Variants in MYO5A observed in about 807,000 individuals in gnomAD.
MYO5A encodes unconventional myosin-Va.
In MYO5A, 98 loss-of-function variants were observed where a neutral mutation model predicts 249.7. The ratio of observed to expected loss-of-function variants is 0.39; its 90% CI spans 0.33 to 0.46. The LOEUF (loss-of-function observed/expected upper bound fraction) is 0.46, where lower values mean the gene tolerates loss of function less well. Ranked by LOEUF, MYO5A falls within the 20% of genes least tolerant of loss-of-function variation. The pLI, the probability that MYO5A is intolerant of heterozygous loss-of-function variation, is 0.98. For missense variants in MYO5A, 1,696 were observed against 2,308.8 expected (o/e 0.73, Z 5.44); for synonymous variants, 778 against 810.6 (o/e 0.96, Z 0.68).
chr15:52,375,542 A>C (rs1237602589), intron 19 of MYO5A, 82 bp from the exon 20 acceptor site: 4 of 1,453,414 alleles, frequency 2.8e-6, no homozygotes, highest in Non-Finnish European at 3.8e-6. Flanking sequence ...AAAGAGTGTC[A>C]CTGTTTTAGG....
At chr15:52,495,654 A>G (rs565116889) in intron 1 of MYO5A, among the ~76,000 whole-genome samples, 1 of 152,340 alleles carries the variant, frequency 6.6e-6, no homozygotes, top group East Asian at 1.9e-4. Flanking sequence ...CCACAAATAT[A>G]TACAGTATTT....
At chr15:52,413,051 G>A (rs1034094676) in intron 5 of MYO5A, among the ~76,000 whole-genome samples, 1 of 151,356 alleles carries the variant, frequency 6.6e-6, no homozygotes, top group Admixed American at 6.6e-5. Context: ...GGAGGCTGAG[G>A]CAGGAGAATC....
Position 52,356,337 on chromosome 15 carries a change from G to A in MYO5A, c.3424-2323C>T, listed in dbSNP as rs920100845. On this transcript the variant is annotated intron_variant, in intron 25 of 41. Coordinates refer to ENST00000399233, the MANE Select transcript of MYO5A (RefSeq NM_001382347.1). ...TAGGAAATAAGAAAAGTTCAAAGAA[G>A]AAAAACACAGCCATAATCCTATCGC... Among the ~76,000 whole-genome samples, 31 of 152,078 alleles carry A rather than the reference G, an allele frequency of 2.0e-4. No homozygotes were observed. The South Asian group carries it at 6.2e-3, about 31-fold the overall frequency.
At chr15:52,360,566 C>G (rs773249011) in intron 24 of MYO5A, among the ~76,000 whole-genome samples, 3 of 152,204 alleles carry the variant, frequency 2.0e-5, no homozygotes, top group Non-Finnish European at 2.9e-5. Flanking sequence ...ACAGGCAGCT[C>G]TAACTTCTGT....
rs887671694 is a variant in MYO5A, at chr15:52,387,771, G to A, written c.1752+58C>T. The A allele has an allele frequency of 7.8e-6, 10 of 1,280,852 alleles. No homozygotes were observed. In the African/African-American group the frequency reaches 1.3e-4, roughly 17 times the overall value. The allele number at this position is 1,280,852 out of a possible 1,614,324, so 79.3% of individuals were successfully genotyped here. On this transcript the variant is annotated intron_variant, in intron 14 of 41. Coordinates refer to ENST00000399233, the MANE Select transcript of MYO5A (RefSeq NM_001382347.1). ...TTTTGTTAAAAAAATCATTTTTATT[G>A]TTAAAAAGCTAATGCTTTGCATACA...
At chr15:52,462,456 C>T (rs944607623) in intron 1 of MYO5A, among the ~76,000 whole-genome samples, 1 of 151,940 alleles carries the variant, frequency 6.6e-6, no homozygotes, top group Non-Finnish European at 1.5e-5. Flanking sequence ...GAAAAGAACA[C>T]AGAAGTGGCA....
chr15:52,330,649 C>A, intron 34 of MYO5A, 150 bp from the exon 35 acceptor site: 1 of 952,938 alleles, frequency 1.0e-6, no homozygotes, highest in South Asian at 1.7e-5. Flanking sequence ...TAATTTTTTT[C>A]TGTTAAAATT....
chr15:52,405,454 G>A, intron 8 of MYO5A, 61 bp from the exon 9 acceptor site: 1 of 1,260,434 alleles, frequency 7.9e-7, no homozygotes. Flanking sequence ...AACAATTACA[G>A]CAGACAATTT....
chr15:52,426,058 C>T, intron 3 of MYO5A, 84 bp from the exon 4 acceptor site: 1 of 1,135,258 alleles, frequency 8.8e-7, no homozygotes, highest in South Asian at 1.3e-5. Flanking sequence ...GTGAGACTCA[C>T]AGTTAACACA....
intron 1 of MYO5A, among the ~76,000 whole-genome samples, chr15:52,516,520 A>T (rs2077499119): frequency 6.6e-6 from 1 of 152,224 alleles, no homozygotes; most frequent in Non-Finnish European, 1.5e-5. Context: ...CTAAGGCTCC[A>T]CACAATCAAC....
intron 1 of MYO5A, among the ~76,000 whole-genome samples, chr15:52,478,610 A>G (rs1418876634): frequency 6.6e-6 from 1 of 152,136 alleles, no homozygotes; most frequent in Non-Finnish European, 1.5e-5. Flanking sequence ...TTATCAAACT[A>G]TCCTTTGCTG....
Position 52,446,193 on chromosome 15 carries a change from T to C in MYO5A, c.28-12908A>G, listed in dbSNP as rs536598508. On this transcript the variant is annotated intron_variant, in intron 1 of 41. Coordinates refer to ENST00000399233, the MANE Select transcript of MYO5A (RefSeq NM_001382347.1). ...AGAGGCCTAGGAGGACATTATGGTG[T>C]AGAGGGCCAGGCCTAGGGCCCCACT... 5.3e-5 allele frequency among the ~76,000 whole-genome samples: 8 copies of C among 152,324 alleles called. No individual in the cohort carries two copies. In the South Asian group the frequency reaches 1.7e-3, roughly 32 times the overall value.
At chr15:52,421,753 T>C (rs1363627227) in intron 4 of MYO5A, among the ~76,000 whole-genome samples, 1 of 152,202 alleles carries the variant, frequency 6.6e-6, no homozygotes, top group Non-Finnish European at 1.5e-5. Context: ...CAGAAACCTG[T>C]ACATGTAAAG....
At chr15:52,418,104 T>C (rs549665050) in intron 4 of MYO5A, among the ~76,000 whole-genome samples, 10 of 152,154 alleles carry the variant, frequency 6.6e-5, no homozygotes, top group Admixed American at 1.3e-4. Context: ...GCAAAAGGGA[T>C]AGCATAAATG....
chr15:52,330,605 G>T, intron 34 of MYO5A, 106 bp from the exon 35 acceptor site: 2 of 1,312,734 alleles, frequency 1.5e-6, no homozygotes, highest in Non-Finnish European at 2.1e-6. Context: ...ACCGAAACTT[G>T]CCATATTTGC....
intron 25 of MYO5A, among the ~76,000 whole-genome samples, chr15:52,355,936 C>A (rs2141033230): frequency 6.6e-6 from 1 of 152,206 alleles, no homozygotes; most frequent in South Asian, 2.1e-4. Context: ...GGTTCCAAAA[C>A]AGAATCACAA....
chr15:52,353,492 C>T (rs2040053774), intron 27 of MYO5A, 113 bp downstream of exon 27: 2 of 873,070 alleles, frequency 2.3e-6, no homozygotes, highest in East Asian at 2.4e-5. Flanking sequence ...GAAGCTAGGA[C>T]CTCTGGTGCA....
chr15:52,390,193 C>G (rs147224443), intron 12 of MYO5A, among the ~76,000 whole-genome samples: 167 of 151,734 alleles, frequency 1.1e-3, no homozygotes, highest in African/African-American at 4.0e-3. Context: ...TAATAGGTAC[C>G]AAAAAATTAG....
At chr15:52,523,779 G>A (rs1000541004) in intron 1 of MYO5A, among the ~76,000 whole-genome samples, 2 of 152,206 alleles carry the variant, frequency 1.3e-5, no homozygotes, top group African/African-American at 4.8e-5. Flanking sequence ...AGGAACACCA[G>A]GAGGAAATTC....
Sources: allele counts gnomAD v4.1 joint callset (sites outside exome capture counted in the v4.1 genomes callset), GRCh38; gene constraint gnomAD v4.1.1; transcripts MANE v1.5; gene names NCBI Gene and HGNC (gene_info 2026-07-23, HGNC 2026-07-21).